TENM2: variants seen among roughly 807,000 people sequenced by gnomAD.
TENM2 encodes teneurin transmembrane protein 2, also known as teneurin-2.
A neutral mutation model predicts 245.2 loss-of-function variants in TENM2; 52 were observed. That is an observed-to-expected ratio of 0.21 (90% CI 0.17 to 0.27). The LOEUF is 0.27. TENM2 is among the 10% of genes least tolerant of loss of function. The pLI is 1.00. For missense variants in TENM2, 3,046 were observed against 3,666.8 expected, an observed-to-expected ratio of 0.83 and a Z score of 4.37; for synonymous variants, 1,363 against 1,438.9, an observed-to-expected ratio of 0.95 and a Z score of 1.19.
At chr5:167,755,220 G>T in intron 2 of TENM2, 1 of 1,563,902 alleles carries the variant, frequency 6.4e-7, no homozygotes, top group East Asian at 2.2e-5. Context: ...GCATGCAGAT[G>T]GGGTTTTGCA....
chr5:167,234,547 C>G, the TENM2 span, among the ~76,000 whole-genome samples: 5 of 152,174 alleles, frequency 3.3e-5, no homozygotes, highest in African/African-American at 2.4e-5. Context: ...AGAAGCCAGG[C>G]TACTTGAAGA....
chr5:168,083,553 C>T (rs955323482), intron 7 of TENM2, among the ~76,000 whole-genome samples: 4 of 152,192 alleles, frequency 2.6e-5, no homozygotes, highest in African/African-American at 9.7e-5. Flanking sequence ...TAGACTGGAG[C>T]TCTTCCTATT....
At chr5:167,687,060 T>C (rs1034723496) in intron 2 of TENM2, among the ~76,000 whole-genome samples, 1 of 151,882 alleles carries the variant, frequency 6.6e-6, no homozygotes, top group Admixed American at 6.6e-5. Flanking sequence ...GAATCTAGAG[T>C]ATGGGGGAAG....
At chr5:167,939,794 C>T (rs962867252) in intron 3 of TENM2, among the ~76,000 whole-genome samples, 1 of 152,172 alleles carries the variant, frequency 6.6e-6, no homozygotes, top group Admixed American at 6.5e-5. Flanking sequence ...CTTTCTGTAT[C>T]GGCAACTACG....
At chr5:167,381,597 T>C (rs1422526) in intron 2 of TENM2, among the ~76,000 whole-genome samples, 82,684 of 152,016 alleles carry the variant, frequency 0.54, 23,830 homozygotes, top group African/African-American at 0.75. Flanking sequence ...AGGTTTTGGT[T>C]GGGACAGATC....
intron 4 of TENM2, among the ~76,000 whole-genome samples, chr5:167,962,163 C>T (rs1043020022): frequency 1.3e-5 from 2 of 152,146 alleles, no homozygotes; most frequent in African/African-American, 4.8e-5. Flanking sequence ...TAGAGTCCTT[C>T]TTCAGATCCT....
At chr5:168,115,638 G>C (rs1795028918) in intron 9 of TENM2, among the ~76,000 whole-genome samples, 1 of 152,048 alleles carries the variant, frequency 6.6e-6, no homozygotes, top group Non-Finnish European at 1.5e-5. Context: ...ACAGCCCTTG[G>C]AAGCTCATTT....
At chr5:167,700,845 A>G (rs941342968) in intron 2 of TENM2, among the ~76,000 whole-genome samples, 6 of 151,600 alleles carry the variant, frequency 4.0e-5, no homozygotes, top group Non-Finnish European at 7.4e-5. Flanking sequence ...TTCTATGTTC[A>G]GTACCATTAT....
chr5:168,218,999 A>C lies in TENM2; in HGVS notation c.5108A>C (p.Asp1703Ala). The C allele has an allele frequency of 1.2e-6, 2 of 1,610,644 alleles. No individual in the cohort carries two copies. Among genetic ancestry groups the C allele is most frequent in the Non-Finnish European group, 1.7e-6 (2 of 1,177,774 alleles). ...GAAACAGGATGGACGACTTTCTATGAGTAAGTGGGTTTGTAAAGCATCTCT... is the reference window on the plus strand; with the variant it reads ...GAAACAGGATGGACGACTTTCTATGCGTAAGTGGGTTTGTAAAGCATCTCT... Residue 1703 changes from aspartate to alanine, a missense_variant and splice_region_variant, in exon 23 of 29, where the codon GAC (aspartate) becomes GCC (alanine). This residue lies in a region of TENM2 where 2,704 missense variants were observed against 3,331.9 expected (regional missense o/e 0.81). Coordinates refer to ENST00000518659, the Ensembl canonical transcript of TENM2. This position sits in a 1 kb window ranked among gnomAD's most constrained non-coding sequence, Gnocchi z 5.2.
At chr5:167,381,307 T>A (rs1431131574) in intron 2 of TENM2, among the ~76,000 whole-genome samples, 2 of 152,152 alleles carry the variant, frequency 1.3e-5, no homozygotes, top group African/African-American at 2.4e-5. Flanking sequence ...TGTGAGAACC[T>A]TCTAGAAAAT....
intron 3 of TENM2, among the ~76,000 whole-genome samples, chr5:167,928,710 G>A (rs996962151): frequency 5.9e-5 from 9 of 151,356 alleles, no homozygotes; most frequent in African/African-American, 9.7e-5. Context: ...CCTGGCAAAC[G>A]TGGTGAAACC....
intron 2 of TENM2, among the ~76,000 whole-genome samples, chr5:167,652,599 C>CCA (rs1554095958): frequency 7.2e-5 from 11 of 151,902 alleles, no homozygotes; most frequent in African/African-American, 2.7e-4. Flanking sequence ...CACCAAGCAA[C>CCA]TAGCTTCTGA....
rs57273762 is a variant in TENM2, at chr5:167,646,177, C to CAT, written c.503-229796_503-229795dup. 1.7e-4 allele frequency among the ~76,000 whole-genome samples: 14 copies of CAT among 84,174 alleles called. 1 individual carries two copies. The highest frequency in any genetic ancestry group is 9.8e-4 in the South Asian group (2 of 2,036). 55.2% of individuals were successfully genotyped at this position (84,174 alleles called of 152,430 possible). On this transcript the variant is annotated intron_variant, in intron 2 of 28. Transcript: ENST00000518659. ...TTTTCATATATATATATGTTGTTTT[C>CAT]ATATATATATATATGTTGTTTTCAT...
At chr5:167,228,307 G>C in the TENM2 span, among the ~76,000 whole-genome samples, 1 of 151,878 alleles carries the variant, frequency 6.6e-6, no homozygotes, top group Non-Finnish European at 1.5e-5. Context: ...TGGGATTACA[G>C]GCATGAGCCA....
the TENM2 span, among the ~76,000 whole-genome samples, chr5:167,124,823 A>G: frequency 6.6e-6 from 1 of 151,858 alleles, no homozygotes; most frequent in African/African-American, 2.4e-5. Context: ...TAAAAATATA[A>G]TTTCTATTAT....
At chr5:167,928,047 T>A (rs929531048) in intron 3 of TENM2, among the ~76,000 whole-genome samples, 3 of 152,220 alleles carry the variant, frequency 2.0e-5, no homozygotes, top group African/African-American at 7.2e-5. Context: ...TGATACAGTT[T>A]ATTTCATTCA....
intron 2 of TENM2, among the ~76,000 whole-genome samples, chr5:167,434,710 G>A (rs753428671): frequency 4.6e-5 from 7 of 152,034 alleles, no homozygotes; most frequent in Non-Finnish European, 1.0e-4. Context: ...AACTTTAGAA[G>A]TATATGACAG....
intron 2 of TENM2, among the ~76,000 whole-genome samples, chr5:167,441,653 G>C (rs1450899420): frequency 1.3e-5 from 2 of 152,162 alleles, no homozygotes; most frequent in Non-Finnish European, 2.9e-5. Flanking sequence ...TAGTCCTGTG[G>C]TATGGTCTTA....
chr5:167,881,717 G>A (rs1001950035), intron 3 of TENM2, among the ~76,000 whole-genome samples: 1 of 152,082 alleles, frequency 6.6e-6, no homozygotes, highest in African/African-American at 2.4e-5. Flanking sequence ...CTCTCTTCTG[G>A]ACAGGTTCTT....
Sources: gnomAD v4.1 joint callset for allele counts (sites outside exome capture counted in the v4.1 genomes callset) on GRCh38, gnomAD v4.1.1 for gene constraint, gnomAD v4.1.1 regional missense constraint, Gnocchi (gnomAD v3.1) non-coding constraint, MANE v1.5 for transcripts, NCBI Gene and HGNC (gene_info 2026-07-23, HGNC 2026-07-21) for gene names.